The following NEXN variants were observed in gnomAD, a reference collection of about 807,000 sequenced individuals.
NEXN encodes nexilin.
Under a neutral mutation model 92.6 loss-of-function variants are expected in NEXN, and 65 were observed. The ratio of observed to expected loss-of-function variants is 0.70; its 90% CI spans 0.57 to 0.86. The LOEUF is 0.86. Among genes scored for constraint, NEXN ranks in the 40% least tolerant of loss-of-function variants. The pLI is 0.00. For synonymous variants in NEXN, 254 were observed against 242.5 expected (o/e 1.05, Z -0.44); for missense variants, 778 against 771.1 (o/e 1.01, Z -0.11).
chr1:77,934,025 T>TTTTTTTC (rs2102149333), intron 10 of NEXN, among the ~76,000 whole-genome samples: 1 of 148,604 alleles, frequency 6.7e-6, no homozygotes, highest in South Asian at 2.1e-4. Flanking sequence ...TTTTTTTTTT[T>TTTTTTTC]TTGAGATGGA....
intron 1 of NEXN, among the ~76,000 whole-genome samples, chr1:77,895,075 C>G (rs931461934): frequency 3.5e-5 from 3 of 84,708 alleles, no homozygotes; most frequent in African/African-American, 1.4e-4. Flanking sequence ...GATGGAGTCT[C>G]ATTCTGTTGC....
In NEXN at chr1:77,920,391, T is replaced by C. The variant is rs558915682; in HGVS notation, c.447+2118T>C. Reference sequence around the variant, plus strand: ...CCATATGCAAGAATGCCATAAAGGATTCCTGAGTCAGAGGGTAGCTGAATG... The same window carrying C: ...CCATATGCAAGAATGCCATAAAGGACTCCTGAGTCAGAGGGTAGCTGAATG... On this transcript the variant is annotated intron_variant, in intron 5 of 12. Transcript: ENST00000334785. Among the ~76,000 whole-genome samples the C allele has an allele frequency of 2.6e-5, 4 of 152,224 alleles. No individual in the cohort carries two copies. In the East Asian group the frequency reaches 7.7e-4, roughly 29 times the overall value.
intron 11 of NEXN, among the ~76,000 whole-genome samples, chr1:77,938,904 G>C (rs1455283938): frequency 6.6e-6 from 1 of 152,172 alleles, no homozygotes; most frequent in East Asian, 1.9e-4. Flanking sequence ...TAGGATACAA[G>C]GTTGTAAAAA....
Position 77,918,142 on chromosome 1 carries a change from T to C in NEXN, c.316T>C (p.Phe106Leu). Residue 106 changes from phenylalanine to leucine, a missense_variant, in exon 5 of 13, where the codon TTT becomes CTT. Physicochemically the swap from Phe to Leu is conservative, Grantham distance 22. Around this residue, in one of 3 missense-constraint regions of NEXN, gnomAD observed 236 missense variants for 265.6 expected, o/e 0.89. Coordinates refer to ENST00000334785, the MANE Select transcript of NEXN (RefSeq NM_144573.4). ...ATTTTTAGGAACTGTGAAGGGTAGA[T>C]TTGCTGAAATGGAGAAACAAAGACA... ...PKLTGTVKGR[F>L]AEMEKQRQEE... The C allele has an allele frequency of 6.2e-7, 1 of 1,613,840 alleles. No individual in the cohort carries two copies. The highest frequency in any genetic ancestry group is 8.5e-7 in the Non-Finnish European group (1 of 1,179,954).
At chr1:77,926,287 T>TA (rs1411880262) in intron 6 of NEXN, 127 bp from the exon 7 acceptor site, 4 of 628,664 alleles carry the variant, frequency 6.4e-6, no homozygotes, top group East Asian at 2.9e-5. Context: ...TAATAATCTG[T>TA]AAAAAAATGT....
rs1222794437 is a variant in NEXN, at chr1:77,942,715, CCTTTA to C, written c.1918_1922del (p.Tyr640ThrfsTer14). The C allele has an allele frequency of 1.2e-6, 2 of 1,613,610 alleles. No homozygotes were observed. The highest frequency in any genetic ancestry group is 1.7e-5 in the Admixed American group (1 of 59,980). On this transcript the variant is annotated frameshift_variant, in exon 13 of 13. Coordinates refer to ENST00000334785, the MANE Select transcript of NEXN (RefSeq NM_144573.4). LOFTEE classifies it high-confidence loss of function. ...ATATTGAAAGGGGAGAAACTTACTGCCTTTACTTACCAGAAACTTTCCCAGAAGAT... is the reference window on the plus strand; with the variant it reads ...ATATTGAAAGGGGAGAAACTTACTGCCTTACCAGAAACTTTCCCAGAAGAT...
intron 8 of NEXN, among the ~76,000 whole-genome samples, chr1:77,927,802 CT>C (rs879332113): frequency 2.2e-3 from 308 of 140,540 alleles, no homozygotes; most frequent in Non-Finnish European, 1.6e-3. Context: ...GCGCCTACTT[CT>C]TTTTTTTTTT....
Position 77,942,738 on chromosome 1 carries a change from C to G in NEXN, c.1937C>G (p.Pro646Arg), listed in dbSNP as rs397517852. The change falls in exon 13 of 13, where the codon CCA becomes CGA. Residue 646 changes from proline (P) to arginine (R), a missense_variant. Pro to Arg is a moderately radical substitution (Grantham distance 103). This residue lies in a region of NEXN where 532 missense variants were observed against 476.7 expected (regional missense o/e 1.12). Coordinates refer to ENST00000334785, the MANE Select transcript of NEXN (RefSeq NM_144573.4). The part of the protein sequence containing the change: ...TYCLYLPETF[P>R]EDGGEYMCKA... ...TGCCTTTACTTACCAGAAACTTTCC[C>G]AGAAGATGGAGGAGAGTATATGTGT... The G allele has an allele frequency of 6.2e-7, 1 of 1,613,702 alleles. No homozygotes were observed. Among genetic ancestry groups the G allele is most frequent in the Non-Finnish European group, 8.5e-7 (1 of 1,179,724 alleles).
rs2102156211 is a variant in NEXN at position 77,936,008 on chromosome 1, T to G, written c.1437T>G (p.Leu479=). 1 of 1,613,798 alleles carries G rather than the reference T, an allele frequency of 6.2e-7. No individual in the cohort carries two copies. Among genetic ancestry groups the G allele is most frequent in the Non-Finnish European group, 8.5e-7 (1 of 1,179,910 alleles). The part of the protein sequence containing the change: ...EERARRRAID[L]EIKEREAENF... ...GAGCAAGAAGGAGAGCAATTGACCT[T>G]GAAATTAAAGAGCGAGAAGCTGAAA... Residue 479 remains leucine, a synonymous_variant, in exon 11 of 13, where the codon CTT becomes CTG. Coordinates refer to ENST00000334785, the MANE Select transcript of NEXN (RefSeq NM_144573.4).
chr1:77,894,466 G>C (rs537495327), intron 1 of NEXN, among the ~76,000 whole-genome samples: 165 of 151,874 alleles, frequency 1.1e-3, no homozygotes, highest in South Asian at 2.3e-3. Flanking sequence ...TTGGAGACAG[G>C]GTCTCGATCT....
intron 1 of NEXN, among the ~76,000 whole-genome samples, chr1:77,899,664 A>T (rs188713806): frequency 5.3e-5 from 8 of 151,590 alleles, no homozygotes; most frequent in Admixed American, 5.2e-4. Context: ...ATAATAAAAT[A>T]AAAAAATAAA....
At chr1:77,919,985 T>C (rs1649296515) in intron 5 of NEXN, among the ~76,000 whole-genome samples, 1 of 151,864 alleles carries the variant, frequency 6.6e-6, no homozygotes, top group Non-Finnish European at 1.5e-5. Flanking sequence ...CTGCAACCTC[T>C]GCCTCCCGGA....
At chr1:77,937,230 G>C (rs1650842188) in intron 11 of NEXN, among the ~76,000 whole-genome samples, 1 of 152,088 alleles carries the variant, frequency 6.6e-6, no homozygotes. Flanking sequence ...ATTGAGCCTG[G>C]GTGGTTGAGG....
chr1:77,895,465 A>T (rs1459864719), intron 1 of NEXN, among the ~76,000 whole-genome samples: 1 of 152,210 alleles, frequency 6.6e-6, no homozygotes, highest in Non-Finnish European at 1.5e-5. Flanking sequence ...ATTTAGGCTC[A>T]TATTTTATGA....
chr1:77,895,724 G>T (rs1257027327), intron 1 of NEXN, among the ~76,000 whole-genome samples: 1 of 152,092 alleles, frequency 6.6e-6, no homozygotes, highest in Non-Finnish European at 1.5e-5. Context: ...AATTAGCCGG[G>T]TGTGGTAGTG....
chr1:77,895,300 C>G (rs1434715081), intron 1 of NEXN, among the ~76,000 whole-genome samples: 1 of 151,898 alleles, frequency 6.6e-6, no homozygotes, highest in Non-Finnish European at 1.5e-5. Flanking sequence ...CCGCCTTGGC[C>G]TCTGAAAGTG....
chr1:77,938,081 C>A (rs111323872), intron 11 of NEXN, among the ~76,000 whole-genome samples: 1 of 151,932 alleles, frequency 6.6e-6, no homozygotes, highest in Non-Finnish European at 1.5e-5. Flanking sequence ...AGTAACAATA[C>A]GGGAAACCAG....
chr1:77,943,838 T>A lies in NEXN; in HGVS notation c.*1009T>A, dbSNP rs1479993338. On this transcript the variant is annotated 3_prime_UTR_variant, in exon 13 of 13. Coordinates refer to ENST00000334785, the MANE Select transcript of NEXN (RefSeq NM_144573.4). ...TAAGTTGTTTTATATTTTAATTTTC[T>A]GGAAGACAATTTTATTTTACAACGT... The A allele has an allele frequency of 6.5e-6, 1 of 153,676 alleles. No individual in the cohort carries two copies. Among genetic ancestry groups the A allele is most frequent in the African/African-American group, 2.4e-5 (1 of 41,504 alleles). 9.5% of individuals were successfully genotyped at this position (153,676 alleles called of 1,614,324 possible).
chr1:77,924,064 T>C (rs1649654117), intron 5 of NEXN: 1 of 152,524 alleles, frequency 6.6e-6, no homozygotes, highest in Non-Finnish European at 1.5e-5. Context: ...TTTTCCCTTC[T>C]AAACTATTCT....
Sources: gnomAD v4.1 joint callset for allele counts (sites outside exome capture counted in the v4.1 genomes callset) on GRCh38, gnomAD v4.1.1 for gene constraint, gnomAD v4.1.1 regional missense constraint, MANE v1.5 for transcripts, NCBI Gene and HGNC (gene_info 2026-07-23, HGNC 2026-07-21) for gene names.